Variants in GOLGA5 observed in about 807,000 individuals in gnomAD.
GOLGA5 encodes golgin A5, also known as golgin subfamily A member 5.
GOLGA5 carries 50 observed loss-of-function variants against 93.5 expected under a neutral mutation model. The ratio of observed to expected loss-of-function variants is 0.53; its 90% confidence interval spans 0.43 to 0.68. The LOEUF (loss-of-function observed/expected upper bound fraction) is 0.68. Ranked by LOEUF, GOLGA5 falls within the 30% of genes least tolerant of loss-of-function variation. The pLI, the probability that GOLGA5 is intolerant of heterozygous loss-of-function variation, is 0.00. For missense variants in GOLGA5, 760 were observed against 856.4 expected (o/e 0.89, Z 1.40); for synonymous variants, 312 against 304.5 (o/e 1.02, Z -0.26).
chr14:92,808,799 G>A (rs1229798182), intron 3 of GOLGA5, among the ~76,000 whole-genome samples: 2 of 151,476 alleles, frequency 1.3e-5, no homozygotes, highest in Non-Finnish European at 1.5e-5. Context: ...GTGAGGGTAT[G>A]GAAATGCCAT....
intron 9 of GOLGA5, among the ~76,000 whole-genome samples, 193 bp downstream of exon 9, chr14:92,824,837 A>T (rs1161787949): frequency 6.6e-6 from 1 of 152,136 alleles, no homozygotes; most frequent in African/African-American, 2.4e-5. Context: ...CTGTTCTATG[A>T]TTTGCTTCTT....
chr14:92,833,136 T>A lies in GOLGA5; in HGVS notation c.1734T>A (p.Thr578=), dbSNP rs577441136. 16 of 1,599,474 alleles carry A rather than the reference T, an allele frequency of 1.0e-5. No homozygotes were observed. In the South Asian group the frequency reaches 1.8e-4, roughly 18 times the overall value. ...QKLRNQLTNK[T]LSNSSQSELE... is the part of the protein sequence containing the mutation. ...TTCTCTTTCAGCTTACCAATAAAAC[T>A]TTAAGCAATAGCAGTCAGTCTGAGT... The change falls in exon 10 of 13, where the codon ACT becomes ACA. Residue 578 remains threonine (T), a synonymous_variant. Transcript: ENST00000163416.
intron 2 of GOLGA5, among the ~76,000 whole-genome samples, chr14:92,798,822 G>A (rs1432716710): frequency 5.3e-5 from 8 of 152,074 alleles, no homozygotes; most frequent in Admixed American, 2.6e-4. Flanking sequence ...AGGCTGAGGC[G>A]GGAGAATTGA....
chr14:92,818,652 A>G (rs1885256882), intron 7 of GOLGA5, among the ~76,000 whole-genome samples: 1 of 152,212 alleles, frequency 6.6e-6, no homozygotes, highest in Non-Finnish European at 1.5e-5. Flanking sequence ...TTGCACTGTG[A>G]TTATCTGGGC....
Position 92,819,711 on chromosome 14 carries a change from A to G in GOLGA5, c.1495A>G (p.Met499Val), listed in dbSNP as rs768687848. The change falls in exon 8 of 13, where the codon ATG (methionine) becomes GTG (valine). Residue 499 changes from methionine (M) to valine (V), a missense_variant. Transcript: ENST00000163416. Reference protein sequence around the residue: ...IHQLRSELQDMEAQQVNEAES... With the variant: ...IHQLRSELQDVEAQQVNEAES... ...CATGTAAGCTTTTTCTCTTTAGGATATGGAGGCACAGCAAGTTAATGAAGC... is the reference window on the plus strand; with the variant it reads ...CATGTAAGCTTTTTCTCTTTAGGATGTGGAGGCACAGCAAGTTAATGAAGC... The G allele has an allele frequency of 3.1e-6, 5 of 1,613,294 alleles. No homozygotes were observed. In the African/African-American group the frequency reaches 5.3e-5, roughly 17 times the overall value.
chr14:92,834,721 CCA>C (rs1885604299), intron 10 of GOLGA5, among the ~76,000 whole-genome samples: 1 of 152,112 alleles, frequency 6.6e-6, no homozygotes, highest in Non-Finnish European at 1.5e-5. Context: ...AGGTAGGAAG[CCA>C]TTGAAGGATC....
chr14:92,799,648 C>A, intron 2 of GOLGA5, among the ~76,000 whole-genome samples: 1 of 150,996 alleles, frequency 6.6e-6, no homozygotes, highest in East Asian at 2.0e-4. Flanking sequence ...GCTTTGTCGC[C>A]CAGGCTGGAG....
At chr14:92,804,651 C>A (rs889636908) in intron 2 of GOLGA5, among the ~76,000 whole-genome samples, 1 of 143,482 alleles carries the variant, frequency 7.0e-6, no homozygotes, top group South Asian at 2.1e-4. Flanking sequence ...GTAATAATTT[C>A]TTTCTTTTTT....
intron 2 of GOLGA5, among the ~76,000 whole-genome samples, chr14:92,804,317 C>T (rs1884935825): frequency 6.6e-6 from 1 of 152,026 alleles, no homozygotes; most frequent in Non-Finnish European, 1.5e-5. Flanking sequence ...CCTTTCTCCT[C>T]GGCCTCCCAA....
chr14:92,794,933 C>T (rs1004198425), intron 1 of GOLGA5, among the ~76,000 whole-genome samples: 1 of 152,210 alleles, frequency 6.6e-6, no homozygotes, highest in African/African-American at 2.4e-5. Context: ...TTGACGGGTG[C>T]CTCTGAAGTC....
chr14:92,819,799 A>G lies in GOLGA5; in HGVS notation c.1583A>G (p.Lys528Arg). Residue 528 changes from lysine (K) to arginine (R), a missense_variant, in exon 8 of 13, where the codon AAA becomes AGA. Lys to Arg is a conservative substitution (Grantham distance 26). Coordinates refer to ENST00000163416, the MANE Select transcript of GOLGA5 (RefSeq NM_005113.4). ...HDQIAGQKAS[K>R]QELETELERL... is the part of the protein sequence containing the mutation. ...CAAATAGCTGGGCAGAAAGCATCCA[A>G]ACAAGAACTAGAGACAGAACTGGAG... The G allele has an allele frequency of 6.2e-7, 1 of 1,614,148 alleles. No homozygotes were observed. The highest frequency in any genetic ancestry group is 8.5e-7 in the Non-Finnish European group (1 of 1,179,960).
At position 92,819,903 on chromosome 14, in the gene GOLGA5, G is replaced by A. The variant is rs143232267; in HGVS notation, c.1620+67G>A. 8.0e-4 allele frequency: 1,214 copies of A among 1,515,816 alleles called. 3 individuals carry two copies. In the African/African-American group the frequency reaches 0.011, roughly 14 times the overall value. The allele number at this position is 1,515,816 out of a possible 1,614,324, so 93.9% of individuals were successfully genotyped here. ...AGCGGTCATATGAGCAGACCTCCCA[G>A]GAAAGCAGCTTACTGAAATTTTTAG... is the stretch of plus-strand genomic sequence containing the variant. On this transcript the variant is annotated intron_variant, in intron 8 of 12. Coordinates refer to ENST00000163416, the MANE Select transcript of GOLGA5 (RefSeq NM_005113.4).
chr14:92,839,499 G>A lies in GOLGA5; in HGVS notation c.*53G>A. The A allele has an allele frequency of 1.7e-6, 2 of 1,191,758 alleles. No individual in the cohort carries two copies. The highest frequency in any genetic ancestry group is 2.5e-6 in the Non-Finnish European group (2 of 805,692). 73.8% of individuals were successfully genotyped at this position (1,191,758 alleles called of 1,614,324 possible). ...TTGTCTTTTTCTAGACTTGGGATCTGCAAGAAGGCCAATTGCCTAAAATTT... is the reference window on the plus strand; with the variant it reads ...TTGTCTTTTTCTAGACTTGGGATCTACAAGAAGGCCAATTGCCTAAAATTT... On this transcript the variant is annotated 3_prime_UTR_variant, in exon 13 of 13. Transcript: ENST00000163416.
At chr14:92,810,777 A>G (rs11845861) in intron 5 of GOLGA5, 10,331 of 157,364 alleles carry the variant, frequency 0.066, 415 homozygotes, top group Middle Eastern at 0.11. Context: ...TTACTCTTAG[A>G]TGAATATTTG....
At chr14:92,832,150 C>G (rs927897086) in intron 9 of GOLGA5, among the ~76,000 whole-genome samples, 1 of 152,160 alleles carries the variant, frequency 6.6e-6, no homozygotes, top group South Asian at 2.1e-4. Context: ...TTAACCTGGG[C>G]TAGAGTGATT....
At chr14:92,836,436 A>G (rs1465578777) in intron 11 of GOLGA5, among the ~76,000 whole-genome samples, 3 of 152,178 alleles carry the variant, frequency 2.0e-5, no homozygotes, top group African/African-American at 4.8e-5. Context: ...TAGTTCAACT[A>G]TTCATTTATT....
At chr14:92,815,773 G>A (rs960477826) in intron 6 of GOLGA5, among the ~76,000 whole-genome samples, 4 of 148,356 alleles carry the variant, frequency 2.7e-5, no homozygotes, top group African/African-American at 7.5e-5. Flanking sequence ...GCGCGATCTC[G>A]GCTCACTGCA....
chr14:92,827,894 C>T (rs1449611372), intron 9 of GOLGA5, among the ~76,000 whole-genome samples: 1 of 152,226 alleles, frequency 6.6e-6, no homozygotes, highest in Non-Finnish European at 1.5e-5. Flanking sequence ...TAATCCAGAG[C>T]AAGGCCCTAA....
intron 9 of GOLGA5, among the ~76,000 whole-genome samples, chr14:92,828,653 A>G (rs545103063): frequency 2.6e-5 from 4 of 152,262 alleles, no homozygotes; most frequent in African/African-American, 2.4e-5. Context: ...TCATTATTTA[A>G]TTAAATTAAT....
Sources: gnomAD v4.1 joint callset for allele counts (sites outside exome capture counted in the v4.1 genomes callset) on GRCh38, gnomAD v4.1.1 for gene constraint, MANE v1.5 for transcripts, NCBI Gene and HGNC (gene_info 2026-07-23, HGNC 2026-07-21) for gene names.